Variants in EXOC4 observed in about 807,000 individuals in gnomAD.
EXOC4 encodes the protein SEC8-like 1.
Under a neutral mutation model 107.2 loss-of-function variants are expected in EXOC4, and 71 were observed. The observed-to-expected ratio is 0.66, with a 90% CI of 0.55 to 0.81. The LOEUF (loss-of-function observed/expected upper bound fraction) is 0.81. EXOC4 is among the 30% of genes least tolerant of loss of function. The pLI, the probability that EXOC4 is intolerant of heterozygous loss-of-function variation, is 0.00. For missense variants in EXOC4, 1,108 were observed against 1,189.6 expected, an observed-to-expected ratio of 0.93 and a Z score of 1.01; for synonymous variants, 456 against 441.2, an observed-to-expected ratio of 1.03 and a Z score of -0.42.
intron 10 of EXOC4, among the ~76,000 whole-genome samples, chr7:133,681,668 A>C (rs1278123891): frequency 1.3e-5 from 2 of 151,966 alleles, no homozygotes; most frequent in East Asian, 1.9e-4. Flanking sequence ...TGGGAGATAC[A>C]ATTCAAGTTC....
At chr7:133,321,458 C>T (rs532151256) in intron 5 of EXOC4, among the ~76,000 whole-genome samples, 347 of 152,250 alleles carry the variant, frequency 2.3e-3, no homozygotes, top group Non-Finnish European at 3.7e-3. Context: ...GTGTGATGTT[C>T]CTCTCCTGTG....
At chr7:134,024,610 C>G (rs1795097580) in intron 17 of EXOC4, among the ~76,000 whole-genome samples, 1 of 151,922 alleles carries the variant, frequency 6.6e-6, no homozygotes, top group Admixed American at 6.6e-5. Flanking sequence ...TTTTGGCTAC[C>G]CCTCCTCTAA....
intron 10 of EXOC4, among the ~76,000 whole-genome samples, chr7:133,715,689 T>C (rs1399283638): frequency 1.3e-5 from 2 of 152,188 alleles, no homozygotes; most frequent in Non-Finnish European, 2.9e-5. Context: ...ACTTTCTACC[T>C]CTTCTGCATT....
intron 7 of EXOC4, among the ~76,000 whole-genome samples, chr7:133,424,813 AAG>A (rs1797688178): frequency 6.6e-6 from 1 of 152,206 alleles, no homozygotes; most frequent in Admixed American, 6.5e-5. Flanking sequence ...AGCTAAACTT[AAG>A]AGAGAGGGAG....
intron 7 of EXOC4, among the ~76,000 whole-genome samples, chr7:133,375,881 T>C (rs1048745652): frequency 1.3e-5 from 2 of 152,220 alleles, no homozygotes; most frequent in African/African-American, 4.8e-5. Flanking sequence ...GTGAGCAAAA[T>C]ATATTTGATT....
At chr7:133,721,832 A>C (rs1460208343) in intron 10 of EXOC4, among the ~76,000 whole-genome samples, 2 of 152,190 alleles carry the variant, frequency 1.3e-5, no homozygotes, top group Admixed American at 6.5e-5. Flanking sequence ...GCCTCCCACT[A>C]AATGATGATA....
chr7:133,744,003 G>C (rs1795623610), intron 10 of EXOC4, among the ~76,000 whole-genome samples: 1 of 152,050 alleles, frequency 6.6e-6, no homozygotes, highest in African/African-American at 2.4e-5. Context: ...TTCATTTACA[G>C]TCTTCATTTG....
intron 12 of EXOC4, among the ~76,000 whole-genome samples, chr7:133,913,344 A>G (rs1337297336): frequency 6.6e-6 from 1 of 152,152 alleles, no homozygotes; most frequent in Non-Finnish European, 1.5e-5. Flanking sequence ...ACATGATTGG[A>G]TGTGTAGTTT....
intron 10 of EXOC4, among the ~76,000 whole-genome samples, chr7:133,692,367 T>C (rs548306471): frequency 4.6e-5 from 7 of 152,376 alleles, no homozygotes; most frequent in African/African-American, 1.7e-4. Context: ...TTGTGTGCTT[T>C]TCTTTTTACA....
intron 5 of EXOC4, among the ~76,000 whole-genome samples, chr7:133,351,538 T>A (rs189613897): frequency 1.3e-5 from 2 of 152,096 alleles, no homozygotes; most frequent in Non-Finnish European, 2.9e-5. Context: ...TAATGTAACT[T>A]CCATTTATGA....
chr7:133,825,319 C>T (rs1331614306), intron 11 of EXOC4, among the ~76,000 whole-genome samples: 1 of 152,092 alleles, frequency 6.6e-6, no homozygotes, highest in Non-Finnish European at 1.5e-5. Context: ...GAGCAATGAT[C>T]ATGCCACTGC....
rs546959914 is a variant in EXOC4, at chr7:134,059,460, C to T, written c.2688-4831C>T. Among the ~76,000 whole-genome samples the T allele has an allele frequency of 5.9e-5, 9 of 152,264 alleles. No homozygotes were observed. In the South Asian group the frequency reaches 1.9e-3, roughly 32 times the overall value. ...TTATACATACACGCATACCTACATACATTAAAAACAAATAAGTAGATGAAA... is the reference window on the plus strand; with the variant it reads ...TTATACATACACGCATACCTACATATATTAAAAACAAATAAGTAGATGAAA... On this transcript the variant is annotated intron_variant, in intron 17 of 17. Coordinates refer to ENST00000253861, the MANE Select transcript of EXOC4 (RefSeq NM_021807.4).
chr7:133,848,597 A>G (rs1798181536), intron 11 of EXOC4, among the ~76,000 whole-genome samples: 1 of 152,134 alleles, frequency 6.6e-6, no homozygotes, highest in East Asian at 1.9e-4. Context: ...CACACATGGC[A>G]TTTTCTTGAC....
intron 10 of EXOC4, among the ~76,000 whole-genome samples, chr7:133,799,308 A>G (rs562645963): frequency 7.9e-4 from 120 of 152,298 alleles, no homozygotes; most frequent in African/African-American, 2.8e-3. Flanking sequence ...AGAGTCTGAT[A>G]CCATGAAAGA....
At chr7:133,478,954 G>A (rs1266778731) in intron 8 of EXOC4, 9 of 152,116 alleles carry the variant, frequency 5.9e-5, no homozygotes, top group Non-Finnish European at 1.5e-5. Context: ...CGTAACCCAA[G>A]TGTTTCCCTC....
intron 9 of EXOC4, among the ~76,000 whole-genome samples, chr7:133,575,942 T>C (rs1368050541): frequency 6.6e-6 from 1 of 152,166 alleles, no homozygotes; most frequent in Admixed American, 6.5e-5. Flanking sequence ...TGGTAATTGC[T>C]CGTTCTCTTC....
At chr7:133,984,848 C>T (rs980861052) in intron 14 of EXOC4, among the ~76,000 whole-genome samples, 1 of 151,984 alleles carries the variant, frequency 6.6e-6, no homozygotes. Flanking sequence ...TTGAGGAAAA[C>T]GAGACTTAGA....
At chr7:133,310,423 CT>C (rs1794845502) in intron 4 of EXOC4, among the ~76,000 whole-genome samples, 1 of 152,174 alleles carries the variant, frequency 6.6e-6, no homozygotes, top group Non-Finnish European at 1.5e-5. Context: ...ACATTGTGTC[CT>C]TCAAGGTCCT....
At chr7:133,256,528 TAG>T (rs1055305153) in intron 1 of EXOC4, among the ~76,000 whole-genome samples, 1 of 152,192 alleles carries the variant, frequency 6.6e-6, no homozygotes, top group African/African-American at 2.4e-5. Flanking sequence ...TACCGACAGT[TAG>T]AGAGTCTACT....
Sources: gnomAD v4.1 joint callset for allele counts (sites outside exome capture counted in the v4.1 genomes callset) on GRCh38, gnomAD v4.1.1 for gene constraint, MANE v1.5 for transcripts, NCBI Gene and HGNC (gene_info 2026-07-23, HGNC 2026-07-21) for gene names.